YPEL3: variants seen among roughly 807,000 people sequenced by gnomAD.
YPEL3 encodes protein yippee-like 3.
A neutral mutation model predicts 17.5 loss-of-function variants in YPEL3; 5 were observed. That is an observed-to-expected ratio of 0.29 (90% CI 0.15 to 0.60). The LOEUF (loss-of-function observed/expected upper bound fraction) is 0.60, where lower values mean the gene tolerates loss of function less well. Ranked by LOEUF, YPEL3 falls within the 20% of genes least tolerant of loss-of-function variation. YPEL3 has a pLI of 0.87. For synonymous variants in YPEL3, 87 were observed against 87.2 expected, an observed-to-expected ratio of 1.00 and a Z score of 0.01; for missense variants, 155 against 211.4, an observed-to-expected ratio of 0.73 and a Z score of 1.65.
At chr16:30,093,583 CTT>C (rs904922121) in intron 3 of YPEL3, among the ~76,000 whole-genome samples, 8 of 151,380 alleles carry the variant, frequency 5.3e-5, no homozygotes, top group Admixed American at 3.3e-4. Flanking sequence ...TTTTTGACCT[CTT>C]GTTTAGGCCA....
Position 30,095,036 on chromosome 16 carries a change from C to T in YPEL3, c.275+67G>A. The T allele has an allele frequency of 6.2e-7, 1 of 1,609,412 alleles. No homozygotes were observed. The highest frequency in any genetic ancestry group is 8.5e-7 in the Non-Finnish European group (1 of 1,176,488). On this transcript the variant is annotated intron_variant, in intron 2 of 3. Coordinates refer to ENST00000398841, the MANE Select transcript of YPEL3 (RefSeq NM_031477.5). This position sits in a 1 kb window ranked among gnomAD's most constrained non-coding sequence, Gnocchi z 5.4. ...CACCGGGGAACTCTGGGAGTCTCAG[C>T]AGGATGCCAGGGGTCACAGGTCACA...
In YPEL3 at chr16:30,095,406, G is replaced by T. The variant is rs2072781965; in HGVS notation, c.77C>A (p.Ala26Asp). ...GGGCAGTGGCCCCACGCGGGGAGCGGCCCACGGGGAGCAGAGGGAGCCCAG... is the reference window on the plus strand; with the variant it reads ...GGGCAGTGGCCCCACGCGGGGAGCGTCCCACGGGGAGCAGAGGGAGCCCAG... Reference protein sequence around the residue: ...QALGSLCSPWAAPRVGPLPPA... With the variant: ...QALGSLCSPWDAPRVGPLPPA... The change falls in exon 1 of 4, where the codon GCC becomes GAC. Residue 26 changes from alanine (A) to aspartate (D), a missense_variant. Coordinates refer to ENST00000398841, the MANE Select transcript of YPEL3 (RefSeq NM_031477.5). The surrounding 1 kb of genome is among the most constrained non-coding windows in gnomAD (Gnocchi z 5.4). The T allele has an allele frequency of 1.2e-6, 2 of 1,610,890 alleles. No homozygotes were observed. Among genetic ancestry groups the T allele is most frequent in the Non-Finnish European group, 1.7e-6 (2 of 1,178,428 alleles).
Position 30,095,858 on chromosome 16 carries a change from A to G in YPEL3, c.-376T>C. 4.6e-6 allele frequency: 1 copy of G among 218,808 alleles called. No individual in the cohort carries two copies. Among genetic ancestry groups the G allele is most frequent in the Non-Finnish European group, 9.1e-6 (1 of 109,364 alleles). 13.6% of individuals were successfully genotyped at this position (218,808 alleles called of 1,614,324 possible). On this transcript the variant is annotated 5_prime_UTR_variant, in exon 1 of 4. Transcript: ENST00000398841. This position sits in a 1 kb window ranked among gnomAD's most constrained non-coding sequence, Gnocchi z 5.4. ...ATCGGGGAGAGGGTCCCCCACCTGG[A>G]GGAGGTAGGAGGCCTCGCCGTGAAG...
intron 3 of YPEL3, among the ~76,000 whole-genome samples, chr16:30,093,480 C>T (rs1340076511): frequency 3.9e-5 from 6 of 152,076 alleles, no homozygotes; most frequent in African/African-American, 4.8e-5. Flanking sequence ...AGGCTGTTCT[C>T]GAACTCCTGA....
chr16:30,093,310 G>A (rs993524064), intron 3 of YPEL3, among the ~76,000 whole-genome samples: 1 of 152,100 alleles, frequency 6.6e-6, no homozygotes, highest in Non-Finnish European at 1.5e-5. Flanking sequence ...CGCCCAGGCT[G>A]GAAGTGCAAC....
At position 30,092,697 on chromosome 16, in the gene YPEL3, G is replaced by C. The variant is rs775018240; in HGVS notation, c.*13C>G. 1.2e-6 allele frequency: 2 copies of C among 1,613,258 alleles called. No homozygotes were observed. Among genetic ancestry groups the C allele is most frequent in the African/African-American group, 2.7e-5 (2 of 74,922 alleles). On this transcript the variant is annotated 3_prime_UTR_variant, in exon 4 of 4. Coordinates refer to ENST00000398841, the MANE Select transcript of YPEL3 (RefSeq NM_031477.5). ...AGGCCGGGCTGGAGCCACATGCGTC[G>C]GGGGAGCGGGGGTCAGTCCCAGCCG...
At position 30,095,595 on chromosome 16, in the gene YPEL3, TGAG is replaced by T; in HGVS notation, c.-116_-114del. The T allele has an allele frequency of 1.1e-6, 1 of 945,032 alleles. No homozygotes were observed. The highest frequency in any genetic ancestry group is 1.9e-5 in the South Asian group (1 of 53,708). 58.5% of individuals were successfully genotyped at this position (945,032 alleles called of 1,614,324 possible). ...CAGAGGCGTCTCGGTTTTGACTCAG[TGAG>T]GAGGCCTCAGGTTGCATCCATGGGG... On this transcript the variant is annotated 5_prime_UTR_variant, in exon 1 of 4. Coordinates refer to ENST00000398841, the MANE Select transcript of YPEL3 (RefSeq NM_031477.5). The surrounding 1 kb of genome is among the most constrained non-coding windows in gnomAD (Gnocchi z 5.4).
chr16:30,093,427 A>T (rs2072759061), intron 3 of YPEL3, among the ~76,000 whole-genome samples: 1 of 151,868 alleles, frequency 6.6e-6, no homozygotes, highest in Admixed American at 6.6e-5. Flanking sequence ...CGCCGAGCTA[A>T]TTTTTGTATT....
intron 3 of YPEL3, chr16:30,094,048 G>A (rs956079853): frequency 2.6e-5 from 4 of 152,996 alleles, no homozygotes; most frequent in Middle Eastern, 6.8e-3. Flanking sequence ...TCCAAGCGAC[G>A]CCTGAAGAAT....
rs769568306 is a variant in YPEL3, at chr16:30,094,801, C to T, written c.372G>A (p.Leu124=). Residue 124 remains leucine, a synonymous_variant, in exon 3 of 4, where the codon TTG becomes TTA. Transcript: ENST00000398841. Reference sequence around the variant, plus strand: ...GTGGGTGACTCACATATTTCCAGCCCAAAGTGGTCTTGCAGTTCTCGCAGT... The same window carrying T: ...GTGGGTGACTCACATATTTCCAGCCTAAAGTGGTCTTGCAGTTCTCGCAGT... ...DIHCENCKTT[L]GWKYEQAFES... is the part of the protein sequence containing the mutation. 2 of 1,614,140 alleles carry T rather than the reference C, an allele frequency of 1.2e-6. No individual in the cohort carries two copies. The highest frequency in any genetic ancestry group is 1.7e-6 in the Non-Finnish European group (2 of 1,180,000).
chr16:30,092,936 C>G (rs2072749809), intron 3 of YPEL3, 137 bp from the exon 4 acceptor site: 1 of 687,180 alleles, frequency 1.5e-6, no homozygotes, highest in South Asian at 1.7e-5. Context: ...GTATTTCTCA[C>G]AAACACAGAG....
Position 30,095,379 on chromosome 16 carries a change from G to A in YPEL3, c.104C>T (p.Pro35Leu), listed in dbSNP as rs764063495. 1.9e-6 allele frequency: 3 copies of A among 1,612,854 alleles called. No individual in the cohort carries two copies. Among genetic ancestry groups the A allele is most frequent in the Admixed American group, 1.7e-5 (1 of 59,936 alleles). ...TGAAATCCGCACCATGGCGGGGGCC[G>A]GGGGCAGTGGCCCCACGCGGGGAGC... ...WAAPRVGPLP[P>L]APAMVRISKP... is the part of the protein sequence containing the mutation. Residue 35 changes from proline (P) to leucine (L), a missense_variant, in exon 1 of 4, where the codon CCG becomes CTG. Transcript: ENST00000398841. The surrounding 1 kb of genome is among the most constrained non-coding windows in gnomAD (Gnocchi z 5.4).
chr16:30,094,502 C>T (rs1039297795), intron 3 of YPEL3: 31 of 434,344 alleles, frequency 7.1e-5, no homozygotes, highest in Admixed American at 1.5e-4. Flanking sequence ...AGATAATAGA[C>T]GCCAGGCACA....
Position 30,092,699 on chromosome 16 carries a change from G to C in YPEL3, c.*11C>G, listed in dbSNP as rs2072745623. 6.2e-7 allele frequency: 1 copy of C among 1,613,786 alleles called. No homozygotes were observed. Among genetic ancestry groups the C allele is most frequent in the Non-Finnish European group, 8.5e-7 (1 of 1,179,822 alleles). ...GCCGGGCTGGAGCCACATGCGTCGG[G>C]GGAGCGGGGGTCAGTCCCAGCCGTT... On this transcript the variant is annotated 3_prime_UTR_variant, in exon 4 of 4. Coordinates refer to ENST00000398841, the MANE Select transcript of YPEL3 (RefSeq NM_031477.5).
In YPEL3 at chr16:30,095,013, C is replaced by T. The variant is rs1395591678; in HGVS notation, c.275+90G>A. On this transcript the variant is annotated intron_variant, in intron 2 of 3. Transcript: ENST00000398841. This position sits in a 1 kb window ranked among gnomAD's most constrained non-coding sequence, Gnocchi z 5.4. ...TGATGCTCACAATTTCCTGCCTGCA[C>T]CGGGGAACTCTGGGAGTCTCAGCAG... 1 of 1,602,866 alleles carries T rather than the reference C, an allele frequency of 6.2e-7. No homozygotes were observed. The highest frequency in any genetic ancestry group is 1.3e-5 in the African/African-American group (1 of 74,652).
chr16:30,092,500 C>A lies in YPEL3; in HGVS notation c.*210G>T. The A allele has an allele frequency of 1.8e-6, 1 of 565,904 alleles. No homozygotes were observed. The highest frequency in any genetic ancestry group is 3.1e-6 in the Non-Finnish European group (1 of 318,478). The allele number at this position is 565,904 out of a possible 1,614,324, so 35.1% of individuals were successfully genotyped here. ...GAACGGGTTAAAAACGAGATCCAAG[C>A]CAGCCAGATCGCAGGAGGTGCGGGG... On this transcript the variant is annotated 3_prime_UTR_variant, in exon 4 of 4. Transcript: ENST00000398841.
At position 30,095,569 on chromosome 16, in the gene YPEL3, C is replaced by A. The variant is rs2072784473; in HGVS notation, c.-87G>T. On this transcript the variant is annotated 5_prime_UTR_variant, in exon 1 of 4. Transcript: ENST00000398841. This position sits in a 1 kb window ranked among gnomAD's most constrained non-coding sequence, Gnocchi z 5.4. ...CCAGAGCCAGCAGCCTCTCCGGGGA[C>A]CAGAGGCGTCTCGGTTTTGACTCAG... 8.5e-7 allele frequency: 1 copy of A among 1,182,230 alleles called. No individual in the cohort carries two copies. Among genetic ancestry groups the A allele is most frequent in the Admixed American group, 2.9e-5 (1 of 34,454 alleles). The allele number at this position is 1,182,230 out of a possible 1,614,324, so 73.2% of individuals were successfully genotyped here. A position where few individuals can be genotyped will look rare whatever the true frequency, so the allele number is the denominator to read the frequency against.
At position 30,095,485 on chromosome 16, in the gene YPEL3, G is replaced by T; in HGVS notation, c.-3C>A. ...GTCAGGACCTGGGCCACACACATGC[G>T]AGGCACTCCCAGAGCCGTGGGGACT... On this transcript the variant is annotated 5_prime_UTR_variant, in exon 1 of 4. It introduces an in-frame stop codon into an upstream open reading frame of the 5' UTR. Transcript: ENST00000398841. The surrounding 1 kb of genome is among the most constrained non-coding windows in gnomAD (Gnocchi z 5.4). The T allele has an allele frequency of 1.3e-6, 2 of 1,507,894 alleles. No homozygotes were observed. The highest frequency in any genetic ancestry group is 1.8e-6 in the Non-Finnish European group (2 of 1,128,348). The allele number at this position is 1,507,894 out of a possible 1,614,324, so 93.4% of individuals were successfully genotyped here. A position where few individuals can be genotyped will look rare whatever the true frequency, so the allele number is the denominator to read the frequency against.
In YPEL3 at chr16:30,095,626, A is replaced by T; in HGVS notation, c.-144T>A. 1 of 709,062 alleles carries T rather than the reference A, an allele frequency of 1.4e-6. No individual in the cohort carries two copies. The highest frequency in any genetic ancestry group is 2.2e-6 in the Non-Finnish European group (1 of 456,556). 43.9% of individuals were successfully genotyped at this position (709,062 alleles called of 1,614,324 possible). A position where few individuals can be genotyped will look rare whatever the true frequency, so the allele number is the denominator to read the frequency against. On this transcript the variant is annotated 5_prime_UTR_variant, in exon 1 of 4. Transcript: ENST00000398841. This position sits in a 1 kb window ranked among gnomAD's most constrained non-coding sequence, Gnocchi z 5.4. ...GGCCTCAGGTTGCATCCATGGGGAA[A>T]CTGAGGCTCGGAGGTGCCCAGGGTG... is the stretch of plus-strand genomic sequence containing the variant.
Sources: gnomAD v4.1 joint callset for allele counts (sites outside exome capture counted in the v4.1 genomes callset) on GRCh38, gnomAD v4.1.1 for gene constraint, Gnocchi (gnomAD v3.1) non-coding constraint, MANE v1.5 for transcripts, NCBI Gene and HGNC (gene_info 2026-07-23, HGNC 2026-07-21) for gene names.